IMMT: variants seen among roughly 807,000 people sequenced by gnomAD.
The protein encoded by IMMT is MICOS complex subunit MIC60.
Under a neutral mutation model 92.7 loss-of-function variants are expected in IMMT, and 40 were observed. The ratio of observed to expected loss-of-function variants is 0.43; its 90% CI spans 0.34 to 0.56. The LOEUF (loss-of-function observed/expected upper bound fraction) is 0.56, where lower values mean the gene tolerates loss of function less well. IMMT is among the 20% of genes least tolerant of loss of function. IMMT has a pLI of 0.03. For missense variants in IMMT, 831 were observed against 912.1 expected (o/e 0.91, Z 1.14); for synonymous variants, 322 against 336.1 (o/e 0.96, Z 0.46).
Position 86,173,653 on chromosome 2 carries a change from T to C in IMMT, c.418A>G (p.Thr140Ala). 3.3e-6 allele frequency: 5 copies of C among 1,525,088 alleles called. No homozygotes were observed. The highest frequency in any genetic ancestry group is 4.5e-6 in the Non-Finnish European group (5 of 1,100,682). 94.5% of individuals were successfully genotyped at this position (1,525,088 alleles called of 1,614,324 possible). A position where few individuals can be genotyped will look rare whatever the true frequency, so the allele number is the denominator to read the frequency against. ...AGATGGTTCAAAATATAAGTACCTG[T>C]TGCTGAAGCTGGAGTATCTCCCTTT... ...KQKGDTPASA[T>A]APTEAAQIIS... The change falls in exon 4 of 15, where the codon ACA (threonine) becomes GCA (alanine). Residue 140 changes from threonine to alanine, a missense_variant. Physicochemically the swap from Thr to Ala is moderately conservative, Grantham distance 58. Transcript: ENST00000410111.
chr2:86,186,355 C>G (rs1431050851), intron 1 of IMMT, among the ~76,000 whole-genome samples: 1 of 152,174 alleles, frequency 6.6e-6, no homozygotes, highest in Non-Finnish European at 1.5e-5. Flanking sequence ...ACAATACTTC[C>G]TATACCACAT....
At position 86,195,432 on chromosome 2, in the gene IMMT, G is replaced by A. The variant is rs1380877758; in HGVS notation, c.-50C>T. 2 of 1,537,098 alleles carry A rather than the reference G, an allele frequency of 1.3e-6. No individual in the cohort carries two copies. The highest frequency in any genetic ancestry group is 8.8e-7 in the Non-Finnish European group (1 of 1,139,538). On this transcript the variant is annotated 5_prime_UTR_variant, in exon 1 of 15. Coordinates refer to ENST00000410111, the MANE Select transcript of IMMT (RefSeq NM_006839.3). ...GGTGGACTCGAGCTGCCGCGGCGGC[G>A]CGAGTTAAGTGGAGGCGTGCTTGCG... is the stretch of plus-strand genomic sequence containing the variant.
chr2:86,153,663 A>G, intron 10 of IMMT, 89 bp from the exon 11 acceptor site: 2 of 807,112 alleles, frequency 2.5e-6, no homozygotes, highest in Non-Finnish European at 3.8e-6. Flanking sequence ...AAAAGGAAAC[A>G]AGAAGGAATC....
At chr2:86,146,968 G>T (rs1675065440) in intron 13 of IMMT, among the ~76,000 whole-genome samples, 1 of 151,946 alleles carries the variant, frequency 6.6e-6, no homozygotes, top group African/African-American at 2.4e-5. Context: ...GCCATGTTGG[G>T]CAGGCTGGTC....
At chr2:86,164,419 G>A (rs1345361021) in intron 7 of IMMT, among the ~76,000 whole-genome samples, 2 of 151,946 alleles carry the variant, frequency 1.3e-5, no homozygotes, top group East Asian at 1.9e-4. Flanking sequence ...GCCAGGCATG[G>A]TGGCTTACGC....
chr2:86,148,929 C>T (rs1051166215), intron 12 of IMMT, among the ~76,000 whole-genome samples: 30 of 152,302 alleles, frequency 2.0e-4, no homozygotes, highest in South Asian at 2.1e-4. Flanking sequence ...ACTATCTGTA[C>T]GGATCCAATG....
intron 8 of IMMT, among the ~76,000 whole-genome samples, chr2:86,161,427 T>C (rs987569354): frequency 6.6e-6 from 1 of 151,804 alleles, no homozygotes; most frequent in African/African-American, 2.4e-5. Flanking sequence ...CCCAAAGTAC[T>C]GGGATTACAG....
chr2:86,184,146 G>T (rs1410081153), intron 1 of IMMT, among the ~76,000 whole-genome samples: 2 of 151,884 alleles, frequency 1.3e-5, no homozygotes, highest in Admixed American at 6.6e-5. Context: ...TGAAAATACA[G>T]AAATAGAGTG....
Position 86,193,737 on chromosome 2 carries a change from G to A in IMMT, c.45+1601C>T, listed in dbSNP as rs562543533. Reference sequence around the variant, plus strand: ...TCAAATGCTACAGAATTAAGGAGATGGTGAGAATAAACCAAAGAATTTTAC... The same window carrying A: ...TCAAATGCTACAGAATTAAGGAGATAGTGAGAATAAACCAAAGAATTTTAC... On this transcript the variant is annotated intron_variant, in intron 1 of 14. Coordinates refer to ENST00000410111, the MANE Select transcript of IMMT (RefSeq NM_006839.3). 1.3e-4 allele frequency among the ~76,000 whole-genome samples: 20 copies of A among 152,232 alleles called. No individual in the cohort carries two copies. The South Asian group carries it at 4.1e-3, about 32-fold the overall frequency.
intron 1 of IMMT, among the ~76,000 whole-genome samples, chr2:86,194,771 G>A (rs1673410496): frequency 6.6e-6 from 1 of 152,116 alleles, no homozygotes; most frequent in Admixed American, 6.5e-5. Flanking sequence ...TGAAGACCAG[G>A]AGTTTCAGCT....
chr2:86,185,946 T>C (rs1672740617), intron 1 of IMMT, among the ~76,000 whole-genome samples: 2 of 152,124 alleles, frequency 1.3e-5, no homozygotes, highest in South Asian at 2.1e-4. Flanking sequence ...ATTAGAAACA[T>C]AGGGCCAGCT....
chr2:86,144,940 A>G, intron 14 of IMMT, 59 bp from the exon 15 acceptor site: 4 of 1,524,112 alleles, frequency 2.6e-6, no homozygotes, highest in Admixed American at 2.1e-5. Context: ...ACATACATCC[A>G]CAGAACTGAT....
chr2:86,179,104 CTGTACTAAACA>C (rs1479344066), intron 3 of IMMT, among the ~76,000 whole-genome samples: 1 of 152,164 alleles, frequency 6.6e-6, no homozygotes, highest in African/African-American at 2.4e-5. Context: ...CAAACTGCAT[CTGTACTAAACA>C]TGGACAGACT....
Position 86,144,609 on chromosome 2 carries a change from C to A in IMMT, c.1936G>T (p.Ala646Ser). The A allele has an allele frequency of 6.2e-7, 1 of 1,614,040 alleles. No individual in the cohort carries two copies. Among genetic ancestry groups the A allele is most frequent in the Non-Finnish European group, 8.5e-7 (1 of 1,179,898 alleles). Reference sequence around the variant, plus strand: ...CTATTTCTGGTTTCATCAATCATTGCTACCCTTCGGGCCAGTTTTTGAACA... The same window carrying A: ...CTATTTCTGGTTTCATCAATCATTGATACCCTTCGGGCCAGTTTTTGAACA... ...YAVQKLARRV[A>S]MIDETRNSLY... The change falls in exon 15 of 15, where the codon GCA becomes TCA. Residue 646 changes from alanine to serine, a missense_variant. Ala to Ser is a moderately conservative substitution (Grantham distance 99). Transcript: ENST00000410111.
At chr2:86,157,183 AC>A (rs1041355860) in intron 10 of IMMT, among the ~76,000 whole-genome samples, 5 of 152,304 alleles carry the variant, frequency 3.3e-5, no homozygotes, top group Admixed American at 3.3e-4. Flanking sequence ...GTATTTCTCC[AC>A]ATTATTCTCT....
chr2:86,161,275 C>A (rs960305612), intron 8 of IMMT, among the ~76,000 whole-genome samples: 4 of 151,958 alleles, frequency 2.6e-5, no homozygotes, highest in African/African-American at 9.7e-5. Flanking sequence ...GATTCTCCTA[C>A]CTCAGCCTCC....
At chr2:86,166,956 G>C (rs1444392779) in intron 6 of IMMT, among the ~76,000 whole-genome samples, 2 of 151,430 alleles carry the variant, frequency 1.3e-5, no homozygotes, top group Admixed American at 6.6e-5. Flanking sequence ...AAATTAGCCA[G>C]GCATGGTGGC....
intron 10 of IMMT, among the ~76,000 whole-genome samples, chr2:86,155,555 G>A (rs536611107): frequency 4.5e-4 from 68 of 152,314 alleles, no homozygotes; most frequent in African/African-American, 1.6e-3. Context: ...TCAGTGCCCG[G>A]TACAAAATAA....
At chr2:86,178,468 T>C (rs1430481520) in intron 3 of IMMT, among the ~76,000 whole-genome samples, 1 of 149,544 alleles carries the variant, frequency 6.7e-6, no homozygotes, top group African/African-American at 2.5e-5. Flanking sequence ...CTACTAAAAA[T>C]ACAAAAAATT....
Sources: gnomAD v4.1 joint callset for allele counts (sites outside exome capture counted in the v4.1 genomes callset) on GRCh38, gnomAD v4.1.1 for gene constraint, MANE v1.5 for transcripts, NCBI Gene and HGNC (gene_info 2026-07-23, HGNC 2026-07-21) for gene names.